Variants in MAML2 observed in about 807,000 individuals in gnomAD.
The protein encoded by MAML2 is mastermind like transcriptional coactivator 2.
In MAML2, 22 loss-of-function variants were observed where a neutral mutation model predicts 96.1. The ratio of observed to expected loss-of-function variants is 0.23; its 90% CI spans 0.16 to 0.33. The LOEUF (loss-of-function observed/expected upper bound fraction) is 0.33. Ranked by LOEUF, MAML2 falls within the 10% of genes least tolerant of loss-of-function variation. The probability of loss-of-function intolerance (pLI) is 1.00; values close to 1 mark genes in which losing one functional copy is unlikely to be tolerated. For missense variants in MAML2, 1,367 were observed against 1,392.4 expected (o/e 0.98, Z 0.29); for synonymous variants, 561 against 521.3 (o/e 1.08, Z -1.04).
intron 1 of MAML2, among the ~76,000 whole-genome samples, chr11:96,183,354 C>CTCTTTCT (rs1228669650): frequency 6.6e-5 from 10 of 150,888 alleles, no homozygotes; most frequent in African/African-American, 2.4e-4. Context: ...TTTTCTTCCT[C>CTCTTTCT]TCTTTCTCTC....
chr11:96,160,018 A>C (rs1861079601), intron 1 of MAML2, among the ~76,000 whole-genome samples: 1 of 152,228 alleles, frequency 6.6e-6, no homozygotes, highest in Non-Finnish European at 1.5e-5. Flanking sequence ...GCCTTGAATC[A>C]GGAAAGAGTA....
intron 3 of MAML2, among the ~76,000 whole-genome samples, chr11:95,986,894 G>GA (rs938747898): frequency 3.3e-5 from 5 of 150,724 alleles, no homozygotes; most frequent in East Asian, 1.9e-4. Flanking sequence ...GAAGCTAAGA[G>GA]AAAAAAAAAG....
At chr11:96,079,234 T>G (rs960739875) in intron 2 of MAML2, among the ~76,000 whole-genome samples, 1 of 152,204 alleles carries the variant, frequency 6.6e-6, no homozygotes, top group Non-Finnish European at 1.5e-5. Context: ...TAAAACTTGA[T>G]GTACTTGGGA....
At chr11:96,221,689 C>CTTTTTT (rs71040137) in intron 1 of MAML2, among the ~76,000 whole-genome samples, 2 of 105,776 alleles carry the variant, frequency 1.9e-5, no homozygotes, top group Non-Finnish European at 3.8e-5. Context: ...TTCAGTCAAG[C>CTTTTTT]TTTTTTTTTT....
At chr11:96,303,958 T>G (rs1354177461) in intron 1 of MAML2, among the ~76,000 whole-genome samples, 1 of 152,180 alleles carries the variant, frequency 6.6e-6, no homozygotes, top group African/African-American at 2.4e-5. Context: ...TCACCAAATA[T>G]GTAGTGCACA....
chr11:96,317,728 TAAGAAAA>T (rs1269154388), intron 1 of MAML2, among the ~76,000 whole-genome samples: 1 of 152,200 alleles, frequency 6.6e-6, no homozygotes, highest in Non-Finnish European at 1.5e-5. Flanking sequence ...AGTGCTGGGC[TAAGAAAA>T]ATCAGCTGCT....
intron 1 of MAML2, among the ~76,000 whole-genome samples, chr11:96,155,873 A>T (rs1367646374): frequency 6.6e-6 from 1 of 152,134 alleles, no homozygotes; most frequent in East Asian, 1.9e-4. Context: ...CGTAACTGCA[A>T]TGTGGCCTCT....
At chr11:96,051,369 C>G (rs1300246980) in intron 2 of MAML2, among the ~76,000 whole-genome samples, 1 of 152,006 alleles carries the variant, frequency 6.6e-6, no homozygotes, top group African/African-American at 2.4e-5. Flanking sequence ...TTTGTTAAAC[C>G]CTTTACATTT....
At chr11:96,189,980 G>A (rs1344577950) in intron 1 of MAML2, among the ~76,000 whole-genome samples, 2 of 151,998 alleles carry the variant, frequency 1.3e-5, no homozygotes, top group African/African-American at 4.8e-5. Flanking sequence ...ATGACACAAA[G>A]ATAAAAAAAA....
chr11:96,086,093 T>C lies in MAML2; in HGVS notation c.2139+5799A>G, dbSNP rs113374722. Reference sequence around the variant, plus strand: ...GATTGAGAAAACGTAATGTAATTACTCAATGGGAATTCACAAAGTAATAAG... The same window carrying C: ...GATTGAGAAAACGTAATGTAATTACCCAATGGGAATTCACAAAGTAATAAG... On this transcript the variant is annotated intron_variant, in intron 2 of 4. Coordinates refer to ENST00000524717, the MANE Select transcript of MAML2 (RefSeq NM_032427.4). Among the ~76,000 whole-genome samples the C allele has an allele frequency of 9.8e-3, 1,497 of 152,318 alleles. 22 individuals carry two copies. The highest frequency in any genetic ancestry group is 0.036 in the South Asian group (173 of 4,826).
intron 1 of MAML2, among the ~76,000 whole-genome samples, chr11:96,111,307 A>AT (rs554601880): frequency 4.6e-5 from 7 of 151,628 alleles, no homozygotes; most frequent in African/African-American, 7.3e-5. Context: ...CAGCAGAGAG[A>AT]TTTTTTTTCT....
intron 1 of MAML2, among the ~76,000 whole-genome samples, chr11:96,307,265 G>A (rs543843036): frequency 6.6e-6 from 1 of 152,330 alleles, no homozygotes; most frequent in African/African-American, 2.4e-5. Context: ...TATGAAAGGA[G>A]ATAGCAACGG....
intron 1 of MAML2, among the ~76,000 whole-genome samples, chr11:96,219,364 T>A (rs1862098429): frequency 6.6e-6 from 1 of 152,340 alleles, no homozygotes; most frequent in African/African-American, 2.4e-5. Flanking sequence ...CCTTCCCAGA[T>A]CACCTCGGGC....
intron 1 of MAML2, among the ~76,000 whole-genome samples, chr11:96,215,255 GAA>G (rs1182489164): frequency 6.6e-6 from 1 of 152,216 alleles, no homozygotes; most frequent in African/African-American, 2.4e-5. Context: ...TATGCCCCTT[GAA>G]ATGCTGGGGC....
At chr11:96,258,686 G>C (rs985284372) in intron 1 of MAML2, among the ~76,000 whole-genome samples, 51 of 152,176 alleles carry the variant, frequency 3.4e-4, no homozygotes, top group Admixed American at 1.3e-4. Flanking sequence ...GATCCTCCAT[G>C]CTTCATTCCA....
At chr11:96,050,536 C>T (rs941477393) in intron 2 of MAML2, among the ~76,000 whole-genome samples, 17 of 152,212 alleles carry the variant, frequency 1.1e-4, no homozygotes, top group Admixed American at 9.8e-4. Context: ...AGAATCTGAC[C>T]TTTGGTTAAC....
chr11:96,059,166 A>C (rs980004209), intron 2 of MAML2, among the ~76,000 whole-genome samples: 4 of 152,212 alleles, frequency 2.6e-5, no homozygotes, highest in African/African-American at 9.7e-5. Context: ...GTTAGTAAGA[A>C]GGTACCTTGG....
intron 1 of MAML2, among the ~76,000 whole-genome samples, chr11:96,149,225 A>C (rs1180726400): frequency 1.3e-5 from 2 of 150,200 alleles, no homozygotes; most frequent in African/African-American, 2.4e-5. Flanking sequence ...CAGCCTGGCC[A>C]ACATGGTGAA....
intron 1 of MAML2, among the ~76,000 whole-genome samples, chr11:96,280,393 C>T (rs992236125): frequency 7.2e-5 from 11 of 152,096 alleles, no homozygotes; most frequent in South Asian, 6.2e-4. Context: ...TGGGTGAAAA[C>T]GCAGGGATCT....
Sources: gnomAD v4.1 joint callset for allele counts (sites outside exome capture counted in the v4.1 genomes callset) on GRCh38, gnomAD v4.1.1 for gene constraint, MANE v1.5 for transcripts, NCBI Gene and HGNC (gene_info 2026-07-23, HGNC 2026-07-21) for gene names.